BACH2: variants seen among roughly 807,000 people sequenced by gnomAD.
BACH2 encodes BACH transcriptional regulator 2.
A neutral mutation model predicts 61.8 loss-of-function variants in BACH2; 5 were observed. The observed-to-expected ratio is 0.08, with a 90% CI of 0.04 to 0.17. The LOEUF is 0.17. Among genes scored for constraint, BACH2 ranks in the 10% least tolerant of loss-of-function variants. The pLI is 1.00. For synonymous variants in BACH2, 446 were observed against 440.1 expected, an observed-to-expected ratio of 1.01 and a Z score of -0.17; for missense variants, 824 against 1,091.1, an observed-to-expected ratio of 0.76 and a Z score of 3.45.
chr6:90,179,008 T>C (rs2127840323), intron 4 of BACH2, among the ~76,000 whole-genome samples: 1 of 152,286 alleles, frequency 6.6e-6, no homozygotes, highest in South Asian at 2.1e-4. Flanking sequence ...AAAATATACT[T>C]AGGAGGAAGG....
intron 4 of BACH2, among the ~76,000 whole-genome samples, chr6:90,133,032 C>T (rs1784129713): frequency 6.6e-6 from 1 of 152,172 alleles, no homozygotes; most frequent in African/African-American, 2.4e-5. Context: ...AGAGTACTTC[C>T]TTTTGATCTC....
intron 4 of BACH2, among the ~76,000 whole-genome samples, chr6:90,159,677 T>A (rs547339967): frequency 8.7e-6 from 1 of 114,562 alleles, no homozygotes; most frequent in East Asian, 2.2e-4. Flanking sequence ...GCTGGCTAAC[T>A]GAGAGCCCAT....
chr6:90,084,498 C>T (rs1000556504), intron 5 of BACH2, among the ~76,000 whole-genome samples: 1 of 150,836 alleles, frequency 6.6e-6, no homozygotes, highest in African/African-American at 2.4e-5. Context: ...CTTAGACTTG[C>T]TGACCTGAAT....
In BACH2 at chr6:89,932,240, C is replaced by T; in HGVS notation, c.*168G>A. On this transcript the variant is annotated 3_prime_UTR_variant, in exon 9 of 9. Coordinates refer to ENST00000257749, the MANE Select transcript of BACH2 (RefSeq NM_021813.4). ...ATTGTGAAGGTAACTATCACTCCTG[C>T]TCGAGAAGAGGAGAGGATACTTCGG... The T allele has an allele frequency of 1.1e-6, 1 of 914,394 alleles. No individual in the cohort carries two copies. Among genetic ancestry groups the T allele is most frequent in the Non-Finnish European group, 1.7e-6 (1 of 604,128 alleles). 56.6% of individuals were successfully genotyped at this position (914,394 alleles called of 1,614,324 possible). A position where few individuals can be genotyped will look rare whatever the true frequency, so the allele number is the denominator to read the frequency against.
At chr6:90,050,066 T>A (rs1173595995) in intron 5 of BACH2, among the ~76,000 whole-genome samples, 1 of 152,234 alleles carries the variant, frequency 6.6e-6, no homozygotes, top group African/African-American at 2.4e-5. Flanking sequence ...AAACGTGATT[T>A]TTGGAAAATG....
chr6:90,119,941 T>A (rs921059472), intron 4 of BACH2, among the ~76,000 whole-genome samples: 1 of 152,124 alleles, frequency 6.6e-6, no homozygotes, highest in Non-Finnish European at 1.5e-5. Context: ...CAGGGGACCA[T>A]TAAGGACCCA....
intron 4 of BACH2, among the ~76,000 whole-genome samples, chr6:90,158,977 G>A (rs750682136): frequency 1.4e-4 from 22 of 152,238 alleles, no homozygotes; most frequent in South Asian, 2.1e-4. Flanking sequence ...ATAAATGGTC[G>A]AATTAACCAT....
At chr6:90,133,999 C>CAT (rs1784189278) in intron 4 of BACH2, among the ~76,000 whole-genome samples, 2 of 152,172 alleles carry the variant, frequency 1.3e-5, no homozygotes, top group Non-Finnish European at 1.5e-5. Context: ...CTGCAATAAA[C>CAT]ATGTGTGCAT....
At chr6:89,933,180 C>T (rs1415451413) in intron 8 of BACH2, among the ~76,000 whole-genome samples, 2 of 152,052 alleles carry the variant, frequency 1.3e-5, no homozygotes, top group Non-Finnish European at 1.5e-5. Flanking sequence ...ACTTCAGAGT[C>T]CATGTTTTGG....
chr6:90,063,414 G>A (rs1780787171), intron 5 of BACH2, among the ~76,000 whole-genome samples: 1 of 152,122 alleles, frequency 6.6e-6, no homozygotes, highest in South Asian at 2.1e-4. Flanking sequence ...GGATGTTCTT[G>A]GGGTAAACAT....
chr6:90,166,462 A>G (rs1037795839), intron 4 of BACH2, among the ~76,000 whole-genome samples: 1 of 152,198 alleles, frequency 6.6e-6, no homozygotes, highest in Admixed American at 6.5e-5. Context: ...TCGTGGGACT[A>G]TAAACTAGTT....
In BACH2 at chr6:90,089,957, C is replaced by G. The variant is rs1425230931; in HGVS notation, c.-161-848G>C. 2.0e-5 allele frequency among the ~76,000 whole-genome samples: 3 copies of G among 152,112 alleles called. No homozygotes were observed. The East Asian group carries it at 5.8e-4, about 29-fold the overall frequency. ...TCACATTTGTTCAGGCCAGGTTTTC[C>G]TACCAAAGAAGTTACTAAAAATAGA... On this transcript the variant is annotated intron_variant, in intron 4 of 8. Transcript: ENST00000257749.
At chr6:90,287,828 T>C (rs1395791805) in intron 1 of BACH2, among the ~76,000 whole-genome samples, 1 of 152,196 alleles carries the variant, frequency 6.6e-6, no homozygotes. Flanking sequence ...AAGTAACACA[T>C]TAAGTATGCT....
At chr6:90,219,203 G>A (rs976636877) in intron 3 of BACH2, among the ~76,000 whole-genome samples, 1 of 152,166 alleles carries the variant, frequency 6.6e-6, no homozygotes, top group Admixed American at 6.5e-5. Flanking sequence ...TCTTGTAAGT[G>A]TATGCCCAGC....
At chr6:90,246,313 A>G (rs1770636142) in intron 3 of BACH2, among the ~76,000 whole-genome samples, 1 of 152,236 alleles carries the variant, frequency 6.6e-6, no homozygotes, top group South Asian at 2.1e-4. Flanking sequence ...AACTTCTGAA[A>G]GTTATAAAAC....
intron 3 of BACH2, among the ~76,000 whole-genome samples, chr6:90,213,049 G>A (rs1266828340): frequency 6.6e-6 from 1 of 152,178 alleles, no homozygotes; most frequent in Admixed American, 6.5e-5. Flanking sequence ...CAACACAGAG[G>A]AGCCCCCAAG....
At chr6:90,076,182 G>C (rs1488493976) in intron 5 of BACH2, among the ~76,000 whole-genome samples, 4 of 152,174 alleles carry the variant, frequency 2.6e-5, no homozygotes, top group Non-Finnish European at 5.9e-5. Flanking sequence ...GTGATGAGGG[G>C]AGACCAGTGA....
At chr6:90,031,119 A>G (rs1312842637) in intron 5 of BACH2, among the ~76,000 whole-genome samples, 4 of 152,158 alleles carry the variant, frequency 2.6e-5, no homozygotes, top group Non-Finnish European at 4.4e-5. Flanking sequence ...GATTATCTCA[A>G]TAGATGCAGA....
chr6:90,137,872 G>A (rs1241151458), intron 4 of BACH2, among the ~76,000 whole-genome samples: 1 of 152,100 alleles, frequency 6.6e-6, no homozygotes, highest in African/African-American at 2.4e-5. Flanking sequence ...GGCAGTGTGG[G>A]ACAGCTGGAT....
Sources: gnomAD v4.1 joint callset for allele counts (sites outside exome capture counted in the v4.1 genomes callset) on GRCh38, gnomAD v4.1.1 for gene constraint, MANE v1.5 for transcripts, NCBI Gene and HGNC (gene_info 2026-07-23, HGNC 2026-07-21) for gene names.